SORBS2: variants seen among roughly 807,000 people sequenced by gnomAD.
SORBS2 encodes sorbin and SH3 domain containing 2, also known as sorbin and SH3 domain-containing protein 2.
In SORBS2, 46 loss-of-function variants were observed where a neutral mutation model predicts 97.7. The ratio of observed to expected loss-of-function variants is 0.47; its 90% CI spans 0.37 to 0.60. The LOEUF (loss-of-function observed/expected upper bound fraction) is 0.60. SORBS2 is among the 20% of genes least tolerant of loss of function. The probability of loss-of-function intolerance (pLI) is 0.00; values close to 1 mark genes in which losing one functional copy is unlikely to be tolerated. For missense variants in SORBS2, 1,316 were observed against 1,282.3 expected, an observed-to-expected ratio of 1.03 and a Z score of -0.40; for synonymous variants, 476 against 473.4, an observed-to-expected ratio of 1.01 and a Z score of -0.07.
At chr4:185,758,990 T>G (rs1262420425) in intron 2 of SORBS2, among the ~76,000 whole-genome samples, 5 of 152,244 alleles carry the variant, frequency 3.3e-5, no homozygotes, top group African/African-American at 1.2e-4. Context: ...TACCTTTTAC[T>G]GTGTGTTCTG....
intron 13 of SORBS2, among the ~76,000 whole-genome samples, chr4:185,590,730 T>C (rs1350453976): frequency 6.6e-6 from 1 of 152,180 alleles, no homozygotes; most frequent in Non-Finnish European, 1.5e-5. Context: ...TACATTATAA[T>C]AAATAGTAAC....
chr4:185,657,376 G>A (rs370139340), upstream of SORBS2: 18 of 1,450,792 alleles, frequency 1.2e-5, no homozygotes, highest in African/African-American at 2.5e-4. Context: ...CGTCCTTTGT[G>A]GAGTCTGTGC....
intron 1 of SORBS2, among the ~76,000 whole-genome samples, chr4:185,778,892 T>C (rs2099013555): frequency 6.6e-6 from 1 of 152,208 alleles, no homozygotes; most frequent in Non-Finnish European, 1.5e-5. Context: ...TAGAGAGGCC[T>C]TCTGTTATTC....
intron 4 of SORBS2, among the ~76,000 whole-genome samples, chr4:185,640,618 A>T (rs115346588): frequency 0.018 from 2,794 of 152,312 alleles, 79 homozygotes; most frequent in African/African-American, 0.063. Context: ...GAATTTAAAA[A>T]TTTAATTCAA....
At chr4:185,627,110 C>T (rs934174975) in intron 5 of SORBS2, 91 bp from the exon 18 acceptor site, 19 of 1,076,674 alleles carry the variant, frequency 1.8e-5, no homozygotes, top group Middle Eastern at 2.9e-4. Flanking sequence ...GTGACAATGG[C>T]GTAACTCCTA....
At position 185,778,239 on chromosome 4, in the gene SORBS2, A is replaced by T. The variant is rs868630914; in HGVS notation, c.-337-2873T>A. Among the ~76,000 whole-genome samples the T allele has an allele frequency of 2.0e-5, 3 of 152,230 alleles. No homozygotes were observed. The South Asian group carries it at 6.2e-4, about 32-fold the overall frequency. On this transcript the variant is annotated intron_variant, in intron 1 of 20. Transcript: ENST00000284776. The stretch of plus-strand genomic sequence containing the variant: ...GGTTCTCAAAAGGTAGTGAGCATCA[A>T]TGACCCAGAAGCTTCGTAAAAACAG...
chr4:185,657,601 A>C (rs771561572), upstream of SORBS2: 63 of 1,585,344 alleles, frequency 4.0e-5, no homozygotes, highest in Non-Finnish European at 5.0e-5. Context: ...TGGAATCTGC[A>C]CAGAAAATTT....
intron 9 of SORBS2, among the ~76,000 whole-genome samples, chr4:185,616,088 T>C (rs1369192364): frequency 1.3e-5 from 2 of 152,228 alleles, no homozygotes; most frequent in Admixed American, 1.3e-4. Context: ...CCCAAGAGCC[T>C]CATTTTGCAA....
Position 185,904,973 on chromosome 4 carries a change from G to A in SORBS2, c.-338+51223C>T, listed in dbSNP as rs570919127. Among the ~76,000 whole-genome samples, 33 of 152,160 alleles carry A rather than the reference G, an allele frequency of 2.2e-4. No homozygotes were observed. In the South Asian group the frequency reaches 6.4e-3, roughly 30 times the overall value. ...TACAAAATTAGCCAGGCGTGGTGGC[G>A]CATGCCTATAGTCCCAGCTACTCGG... On this transcript the variant is annotated intron_variant, in intron 1 of 20. Coordinates refer to the SORBS2 transcript ENST00000284776.
At chr4:185,835,126 G>C (rs1296837511) in intron 1 of SORBS2, among the ~76,000 whole-genome samples, 1 of 152,086 alleles carries the variant, frequency 6.6e-6, no homozygotes, top group African/African-American at 2.4e-5. Context: ...TTTGCCTTCC[G>C]CCATGAGTAA....
chr4:185,745,989 T>A (rs1244446633), intron 2 of SORBS2, among the ~76,000 whole-genome samples: 1 of 152,152 alleles, frequency 6.6e-6, no homozygotes, highest in Non-Finnish European at 1.5e-5. Context: ...ATCCTCCCAC[T>A]CTGTGAACTA....
At chr4:185,910,692 C>G (rs1330474298) in intron 1 of SORBS2, among the ~76,000 whole-genome samples, 1 of 152,154 alleles carries the variant, frequency 6.6e-6, no homozygotes, top group Admixed American at 6.6e-5. Context: ...CCTCCCACCT[C>G]AGCCTCCTGA....
intron 1 of SORBS2, among the ~76,000 whole-genome samples, chr4:185,879,843 G>C (rs1197426307): frequency 6.6e-6 from 1 of 152,210 alleles, no homozygotes; most frequent in Non-Finnish European, 1.5e-5. Context: ...ATGCACACTG[G>C]AGCATCAGCA....
intron 6 of SORBS2, 141 bp from the exon 19 acceptor site, chr4:185,624,635 T>G (rs1201296678): frequency 3.6e-6 from 3 of 832,512 alleles, no homozygotes; most frequent in Middle Eastern, 3.6e-4. Context: ...AGGTGCTGAT[T>G]GTTCACACAT....
chr4:185,879,076 G>T (rs62335023), intron 1 of SORBS2, among the ~76,000 whole-genome samples: 9,247 of 150,686 alleles, frequency 0.061, 350 homozygotes, highest in Non-Finnish European at 0.091. Context: ...CAACGTGCAG[G>T]TTTGTTACAT....
intron 1 of SORBS2, among the ~76,000 whole-genome samples, chr4:185,830,933 T>C (rs190077702): frequency 6.6e-6 from 1 of 152,332 alleles, no homozygotes; most frequent in Admixed American, 6.5e-5. Context: ...TGTGCTACTA[T>C]ATGGGTACTT....
intron 12 of SORBS2, among the ~76,000 whole-genome samples, chr4:185,602,581 G>T (rs920517062): frequency 6.6e-6 from 1 of 152,224 alleles, no homozygotes; most frequent in Admixed American, 6.5e-5. Context: ...TGATGGGGTT[G>T]ATAAAAATGT....
intron 1 of SORBS2, among the ~76,000 whole-genome samples, chr4:185,893,661 CA>C (rs2099243582): frequency 6.6e-6 from 1 of 151,978 alleles, no homozygotes; most frequent in Non-Finnish European, 1.5e-5. Context: ...ACATGAGACT[CA>C]AAAAAGGGTC....
Position 185,849,073 on chromosome 4 carries a change from C to T in SORBS2, c.-337-73707G>A, listed in dbSNP as rs951287047. On this transcript the variant is annotated intron_variant, in intron 1 of 20. Coordinates refer to the SORBS2 transcript ENST00000284776. Reference sequence around the variant, plus strand: ...TATTTTGGACAATGCCCATCAATCACGAGAATGATGTTAGAACCACCTCTT... The same window carrying T: ...TATTTTGGACAATGCCCATCAATCATGAGAATGATGTTAGAACCACCTCTT... Among the ~76,000 whole-genome samples, 12 of 152,262 alleles carry T rather than the reference C, an allele frequency of 7.9e-5. No homozygotes were observed. In the East Asian group the frequency reaches 1.2e-3, roughly 15 times the overall value.
Sources: allele counts gnomAD v4.1 joint callset (sites outside exome capture counted in the v4.1 genomes callset), GRCh38; gene constraint gnomAD v4.1.1; transcripts MANE v1.5; gene names NCBI Gene and HGNC (gene_info 2026-07-23, HGNC 2026-07-21).